PRKAR2A: variants seen among roughly 807,000 people sequenced by gnomAD.
The protein encoded by PRKAR2A is cAMP-dependent protein kinase type II-alpha regulatory subunit.
In PRKAR2A, 29 loss-of-function variants were observed where a neutral mutation model predicts 51.9. The observed-to-expected ratio is 0.56, with a 90% CI of 0.42 to 0.76. PRKAR2A has a LOEUF of 0.76. Ranked by LOEUF, PRKAR2A falls within the 30% of genes least tolerant of loss-of-function variation. The pLI, the probability that PRKAR2A is intolerant of heterozygous loss-of-function variation, is 0.00. For synonymous variants in PRKAR2A, 178 were observed against 186.2 expected, an observed-to-expected ratio of 0.96 and a Z score of 0.36; for missense variants, 445 against 512.1, an observed-to-expected ratio of 0.87 and a Z score of 1.26.
At chr3:48,799,070 T>C (rs562832049) in intron 2 of PRKAR2A, among the ~76,000 whole-genome samples, 2 of 152,312 alleles carry the variant, frequency 1.3e-5, no homozygotes, top group South Asian at 4.1e-4. Flanking sequence ...CTTTATTTTC[T>C]AGGAAAAAAT....
intron 1 of PRKAR2A, among the ~76,000 whole-genome samples, chr3:48,830,723 T>C (rs1575945433): frequency 6.6e-6 from 1 of 152,134 alleles, no homozygotes; most frequent in African/African-American, 2.4e-5. Context: ...TATAATGAAA[T>C]AATTATACAA....
chr3:48,781,509 TTTTTTA>T (rs1204322758), intron 5 of PRKAR2A, among the ~76,000 whole-genome samples: 4 of 151,584 alleles, frequency 2.6e-5, no homozygotes, highest in Non-Finnish European at 5.9e-5. Context: ...GCCCGGTTAC[TTTTTTA>T]TTTTTATTTT....
intron 4 of PRKAR2A, among the ~76,000 whole-genome samples, chr3:48,785,894 T>C (rs1353003785): frequency 6.6e-6 from 1 of 152,178 alleles, no homozygotes; most frequent in Non-Finnish European, 1.5e-5. Context: ...GTAAAGGGCA[T>C]CTGGGTATTC....
intron 2 of PRKAR2A, among the ~76,000 whole-genome samples, chr3:48,805,312 T>C (rs756539039): frequency 6.6e-6 from 1 of 152,110 alleles, no homozygotes; most frequent in Non-Finnish European, 1.5e-5. Flanking sequence ...TTCCTGTCAG[T>C]GTTACAAGGA....
chr3:48,799,528 T>C (rs1224914727), intron 2 of PRKAR2A, among the ~76,000 whole-genome samples: 1 of 152,232 alleles, frequency 6.6e-6, no homozygotes, highest in Non-Finnish European at 1.5e-5. Context: ...TTAGTAATAT[T>C]TCAGCTGAAG....
chr3:48,820,337 CA>C (rs1395133138), intron 1 of PRKAR2A, among the ~76,000 whole-genome samples: 1 of 151,908 alleles, frequency 6.6e-6, no homozygotes, highest in Non-Finnish European at 1.5e-5. Flanking sequence ...ATATTCCTGA[CA>C]AAAAAATGAA....
chr3:48,832,349 T>C (rs1240489005), intron 1 of PRKAR2A, among the ~76,000 whole-genome samples: 1 of 150,742 alleles, frequency 6.6e-6, no homozygotes, highest in Admixed American at 6.6e-5. Flanking sequence ...TCCAGGCAGC[T>C]ATCTGGGCTT....
Position 48,750,171 on chromosome 3 carries a change from C to G in PRKAR2A, c.*1414G>C, listed in dbSNP as rs979768231. 6.6e-6 allele frequency: 1 copy of G among 152,222 alleles called. No homozygotes were observed. The highest frequency in any genetic ancestry group is 2.1e-4 in the South Asian group (1 of 4,816). The allele number at this position is 152,222 out of a possible 1,614,324, so 9.4% of individuals were successfully genotyped here. A position where few individuals can be genotyped will look rare whatever the true frequency, so the allele number is the denominator to read the frequency against. On this transcript the variant is annotated 3_prime_UTR_variant, in exon 11 of 11. Transcript: ENST00000265563. ...CTGAGGTTGGGAGTTTGAGACCAGCCTGACCAACACAGAGAAACCCTGTCT... is the reference window on the plus strand; with the variant it reads ...CTGAGGTTGGGAGTTTGAGACCAGCGTGACCAACACAGAGAAACCCTGTCT...
chr3:48,836,538 T>A (rs751808988), intron 1 of PRKAR2A, among the ~76,000 whole-genome samples: 1 of 149,270 alleles, frequency 6.7e-6, no homozygotes, highest in Non-Finnish European at 1.5e-5. Context: ...TATAAACTTC[T>A]AGAAGAAAAT....
At chr3:48,792,662 T>C (rs562674079) in intron 3 of PRKAR2A, among the ~76,000 whole-genome samples, 2 of 151,362 alleles carry the variant, frequency 1.3e-5, no homozygotes, top group East Asian at 3.9e-4. Context: ...GGTTTCGCCA[T>C]GTTGGCCAGG....
intron 1 of PRKAR2A, among the ~76,000 whole-genome samples, chr3:48,823,667 TC>T (rs2083007611): frequency 6.7e-6 from 1 of 150,138 alleles, no homozygotes; most frequent in African/African-American, 2.5e-5. Context: ...ACGTCTGTGG[TC>T]CCAGCTACTG....
chr3:48,807,411 T>C, intron 2 of PRKAR2A, among the ~76,000 whole-genome samples: 1 of 152,076 alleles, frequency 6.6e-6, no homozygotes. Context: ...ATTATAAACA[T>C]GAAAAAACAG....
intron 1 of PRKAR2A, among the ~76,000 whole-genome samples, chr3:48,824,996 T>C (rs2083036219): frequency 6.6e-6 from 1 of 151,426 alleles, no homozygotes; most frequent in African/African-American, 2.4e-5. Flanking sequence ...TCAAATATGG[T>C]TAAGTTCTTG....
chr3:48,801,174 C>T (rs114484892), intron 2 of PRKAR2A, among the ~76,000 whole-genome samples: 4 of 151,986 alleles, frequency 2.6e-5, no homozygotes, highest in East Asian at 3.9e-4. Context: ...TTTTTTGAGA[C>T]GGAATTTCGC....
chr3:48,815,934 G>A (rs1030374795), intron 1 of PRKAR2A, among the ~76,000 whole-genome samples: 2 of 148,482 alleles, frequency 1.3e-5, no homozygotes, highest in East Asian at 2.0e-4. Context: ...CAGGAGAATC[G>A]CTTGAACCCA....
chr3:48,807,007 G>A (rs1484284469), intron 2 of PRKAR2A, among the ~76,000 whole-genome samples: 1 of 152,040 alleles, frequency 6.6e-6, no homozygotes, highest in Non-Finnish European at 1.5e-5. Context: ...TCCTCACCTC[G>A]TGATCCACCC....
At position 48,798,239 on chromosome 3, in the gene PRKAR2A, C is replaced by T. The variant is rs1157650352; in HGVS notation, c.299-4190G>A. ...AAGTGCTGGGATTACAAGTGTGAGCCACCATGCCCAGCCTCCTAGACATTT... is the reference window on the plus strand; with the variant it reads ...AAGTGCTGGGATTACAAGTGTGAGCTACCATGCCCAGCCTCCTAGACATTT... On this transcript the variant is annotated intron_variant, in intron 2 of 10. Transcript: ENST00000265563. Among the ~76,000 whole-genome samples the T allele has an allele frequency of 2.0e-5, 3 of 152,148 alleles. No individual in the cohort carries two copies. In the East Asian group the frequency reaches 5.8e-4, roughly 29 times the overall value.
Position 48,811,741 on chromosome 3 carries a change from A to G in PRKAR2A, c.263-4057T>C, listed in dbSNP as rs891312250. The stretch of plus-strand genomic sequence containing the variant: ...AACTAGAGAGCTGCCGTGGGTGCAT[A>G]ACATTGTGAATGCGCTAAATGCCAC... On this transcript the variant is annotated intron_variant, in intron 1 of 10. Transcript: ENST00000265563. Among the ~76,000 whole-genome samples the G allele has an allele frequency of 2.6e-5, 4 of 152,172 alleles. No homozygotes were observed. In the East Asian group the frequency reaches 5.8e-4, roughly 22 times the overall value.
intron 2 of PRKAR2A, 42 bp from the exon 3 acceptor site, chr3:48,794,091 G>T: frequency 6.9e-7 from 1 of 1,448,874 alleles, no homozygotes; most frequent in Non-Finnish European, 9.6e-7. Context: ...GAATTTAACA[G>T]ATGTGTGGCT....
Sources: allele counts gnomAD v4.1 joint callset (sites outside exome capture counted in the v4.1 genomes callset), GRCh38; gene constraint gnomAD v4.1.1; transcripts MANE v1.5; gene names NCBI Gene and HGNC (gene_info 2026-07-23, HGNC 2026-07-21).